The following CSMD1 variants were observed in gnomAD, a reference collection of about 807,000 sequenced individuals.
The protein encoded by CSMD1 is CUB and Sushi multiple domains 1, also known as CUB and sushi domain-containing protein 1.
Under a neutral mutation model 417.5 loss-of-function variants are expected in CSMD1, and 213 were observed. That is an observed-to-expected ratio of 0.51 (90% confidence interval 0.46 to 0.57). The LOEUF (loss-of-function observed/expected upper bound fraction) is 0.57, where lower values mean the gene tolerates loss of function less well. CSMD1 is among the 20% of genes least tolerant of loss of function. CSMD1 has a pLI of 0.00. For missense variants in CSMD1, 6,923 were observed against 4,529.7 expected, an observed-to-expected ratio of 1.53 and a Z score of -15.17; for synonymous variants, 2,862 against 1,736.8, an observed-to-expected ratio of 1.65 and a Z score of -16.11.
At chr8:3,499,054 C>G (rs569290316) in intron 10 of CSMD1, among the ~76,000 whole-genome samples, 1 of 152,206 alleles carries the variant, frequency 6.6e-6, no homozygotes, top group Admixed American at 6.5e-5. Context: ...TGTCATGTTT[C>G]TTGCTTTTTA....
chr8:3,978,198 A>G (rs1813588191), intron 5 of CSMD1, among the ~76,000 whole-genome samples: 1 of 152,176 alleles, frequency 6.6e-6, no homozygotes, highest in Non-Finnish European at 1.5e-5. Flanking sequence ...TGTTATTACC[A>G]ATGAGGTCAC....
chr8:4,401,203 G>C (rs1008252334), intron 3 of CSMD1, among the ~76,000 whole-genome samples: 1 of 152,110 alleles, frequency 6.6e-6, no homozygotes, highest in South Asian at 2.1e-4. Flanking sequence ...CTCTTCAAAC[G>C]GTTTCTGAAA....
At chr8:3,896,605 A>T (rs896044519) in intron 5 of CSMD1, among the ~76,000 whole-genome samples, 4 of 151,946 alleles carry the variant, frequency 2.6e-5, no homozygotes, top group African/African-American at 7.3e-5. Context: ...TCTGCCTCCC[A>T]GGTTCACGCC....
chr8:4,307,527 C>T (rs1199206136), intron 3 of CSMD1, among the ~76,000 whole-genome samples: 2 of 152,190 alleles, frequency 1.3e-5, no homozygotes, highest in African/African-American at 4.8e-5. Context: ...CATGCCTGGT[C>T]TGTTCAAGTA....
At chr8:3,858,490 C>G (rs1262131331) in intron 5 of CSMD1, among the ~76,000 whole-genome samples, 1 of 152,066 alleles carries the variant, frequency 6.6e-6, no homozygotes, top group African/African-American at 2.4e-5. Context: ...TAATTCCAAC[C>G]ATTTGTAGAA....
intron 1 of CSMD1, among the ~76,000 whole-genome samples, chr8:4,786,164 T>C (rs1797391658): frequency 6.6e-6 from 1 of 152,236 alleles, no homozygotes; most frequent in Non-Finnish European, 1.5e-5. Flanking sequence ...TTATGAGCCC[T>C]GACAACCCAC....
At chr8:3,469,902 T>G (rs1250427145) in intron 11 of CSMD1, among the ~76,000 whole-genome samples, 1 of 152,276 alleles carries the variant, frequency 6.6e-6, no homozygotes, top group Non-Finnish European at 1.5e-5. Flanking sequence ...AGATTTGTCT[T>G]CGTTGGCAAC....
intron 50 of CSMD1, among the ~76,000 whole-genome samples, chr8:3,037,135 C>T (rs1041896083): frequency 2.6e-5 from 4 of 152,174 alleles, no homozygotes; most frequent in Non-Finnish European, 5.9e-5. Context: ...CCATCCAAGT[C>T]CCTGCACAAG....
At chr8:3,894,723 C>G (rs368844603) in intron 5 of CSMD1, among the ~76,000 whole-genome samples, 66 of 152,242 alleles carry the variant, frequency 4.3e-4, no homozygotes, top group African/African-American at 1.5e-3. Flanking sequence ...GAATTAGTTT[C>G]TTGATTAACT....
chr8:3,642,672 G>A (rs776031186), intron 7 of CSMD1, among the ~76,000 whole-genome samples: 3 of 152,064 alleles, frequency 2.0e-5, no homozygotes, highest in Non-Finnish European at 4.4e-5. Flanking sequence ...TCACAACTGG[G>A]CTTATAGGAA....
At chr8:3,856,306 T>G (rs1472567865) in intron 5 of CSMD1, among the ~76,000 whole-genome samples, 1 of 152,158 alleles carries the variant, frequency 6.6e-6, no homozygotes, top group African/African-American at 2.4e-5. Flanking sequence ...CCGCCATGAT[T>G]GTAAGTTTCT....
intron 49 of CSMD1, among the ~76,000 whole-genome samples, chr8:3,067,750 A>T (rs1036343364): frequency 6.8e-6 from 1 of 147,264 alleles, no homozygotes; most frequent in Admixed American, 6.7e-5. Flanking sequence ...TCAAATATTA[A>T]TGTTTAATAA....
chr8:4,379,696 A>G (rs1802979452), intron 3 of CSMD1, among the ~76,000 whole-genome samples: 1 of 57,222 alleles, frequency 1.7e-5, no homozygotes, highest in African/African-American at 4.3e-5. Flanking sequence ...GCAATGAAGC[A>G]ACAATGGCGG....
chr8:4,681,439 T>C (rs1035825951), intron 1 of CSMD1, among the ~76,000 whole-genome samples: 1 of 152,180 alleles, frequency 6.6e-6, no homozygotes, highest in African/African-American at 2.4e-5. Flanking sequence ...CCCCAGCTTT[T>C]CCAGTCACTG....
intron 12 of CSMD1, among the ~76,000 whole-genome samples, chr8:3,466,811 T>A (rs1816816968): frequency 6.6e-6 from 1 of 152,212 alleles, no homozygotes; most frequent in African/African-American, 2.4e-5. Context: ...AGGTCACTTT[T>A]ATAAGTGATT....
chr8:4,133,217 T>C (rs961027021), intron 3 of CSMD1, among the ~76,000 whole-genome samples: 6 of 152,158 alleles, frequency 3.9e-5, no homozygotes, highest in African/African-American at 1.4e-4. Context: ...ATTACAGACA[T>C]GAGTCACCAT....
chr8:3,200,023 A>T (rs1796911092), intron 32 of CSMD1, among the ~76,000 whole-genome samples: 1 of 152,198 alleles, frequency 6.6e-6, no homozygotes, highest in Admixed American at 6.5e-5. Context: ...ATTAAAATAT[A>T]CTGTAATCAT....
At chr8:4,262,602 G>A (rs1585119723) in intron 3 of CSMD1, among the ~76,000 whole-genome samples, 1 of 152,090 alleles carries the variant, frequency 6.6e-6, no homozygotes. Flanking sequence ...CTTATCTTCA[G>A]GACCCTGGAG....
chr8:3,432,214 A>C (rs1196081772), intron 12 of CSMD1, among the ~76,000 whole-genome samples: 1 of 152,206 alleles, frequency 6.6e-6, no homozygotes, highest in East Asian at 1.9e-4. Context: ...TAGAGAACTG[A>C]ATATGACTAT....
Sources: gnomAD v4.1 joint callset for allele counts (sites outside exome capture counted in the v4.1 genomes callset) on GRCh38, gnomAD v4.1.1 for gene constraint, MANE v1.5 for transcripts, NCBI Gene and HGNC (gene_info 2026-07-23, HGNC 2026-07-21) for gene names.